MAP7D2: variants seen among roughly 807,000 people sequenced by gnomAD.
The protein encoded by MAP7D2 is MAP7 domain containing 2.
Under a neutral mutation model 63.5 loss-of-function variants are expected in MAP7D2, and 33 were observed. That is an observed-to-expected ratio of 0.52 (90% CI 0.39 to 0.70). The LOEUF is 0.70. Ranked by LOEUF, MAP7D2 falls within the 30% of genes least tolerant of loss-of-function variation. MAP7D2 has a pLI of 0.00. For missense variants in MAP7D2, 626 were observed against 604.0 expected (o/e 1.04, Z -0.38); for synonymous variants, 224 against 223.7 (o/e 1.00, Z -0.01).
intron 1 of MAP7D2, among the ~76,000 whole-genome samples, chrX:20,066,973 C>T (rs762733978): frequency 8.9e-6 from 1 of 112,559 alleles, no homozygotes; most frequent in Admixed American, 9.4e-5. Context: ...GGAAGGGGAA[C>T]AAGCATAGAA....
chrX:20,035,353 T>C (rs955886807), intron 8 of MAP7D2, among the ~76,000 whole-genome samples: 1 of 111,322 alleles, frequency 9.0e-6, no homozygotes, highest in African/African-American at 3.3e-5. Context: ...TTGCTGGAGG[T>C]TCCTTGAAAT....
intron 8 of MAP7D2, 112 bp downstream of exon 8, chrX:20,042,390 C>T (rs2064681233): frequency 1.1e-6 from 1 of 885,146 alleles, no homozygotes; most frequent in Non-Finnish European, 1.6e-6. Flanking sequence ...CTTACCACTT[C>T]TGGCTGGCCA....
chrX:20,034,982 C>T (rs1056685076), intron 8 of MAP7D2, among the ~76,000 whole-genome samples: 1 of 111,767 alleles, frequency 8.9e-6, no homozygotes, highest in African/African-American at 3.3e-5. Context: ...GTCACCTTCT[C>T]AGAGAATCCT....
intron 10 of MAP7D2, among the ~76,000 whole-genome samples, chrX:20,019,595 C>G (rs1403177189): frequency 8.9e-6 from 1 of 112,009 alleles, no homozygotes; most frequent in Non-Finnish European, 1.9e-5. Context: ...CAAACTTAAA[C>G]TTGAATTGTT....
chrX:20,061,910 G>A lies in MAP7D2; in HGVS notation c.372+1504C>T, dbSNP rs946160707. Among the ~76,000 whole-genome samples, 46 of 112,178 alleles carry A rather than the reference G, an allele frequency of 4.1e-4. 1 individual carries two copies. Among genetic ancestry groups the A allele is most frequent in the Non-Finnish European group, 1.3e-4 (7 of 53,238 alleles). On this transcript the variant is annotated intron_variant, in intron 3 of 16. Coordinates refer to ENST00000379643, the MANE Select transcript of MAP7D2 (RefSeq NM_001168465.2). ...GAGAGATCATGGAAGAAGAGGACAA[G>A]CTCTAAGTCATCAAGGAATGGAGGA...
In MAP7D2 at chrX:20,012,367, A is replaced by C; in HGVS notation, c.2054T>G (p.Val685Gly). ...AATATACCTCACATCCATAGACTGAACTTCTTCAGTTGAATCATCCAGGCT... is the reference window on the plus strand; with the variant it reads ...AATATACCTCACATCCATAGACTGACCTTCTTCAGTTGAATCATCCAGGCT... Reference protein sequence around the residue: ...SNSLDDSTEEVQSMDVSPVSK... With the variant: ...SNSLDDSTEEGQSMDVSPVSK... The change falls in exon 15 of 17, where the codon GTT becomes GGT. Residue 685 changes from valine (V) to glycine (G), a missense_variant. By Grantham distance (109) the Val-to-Gly change is moderately radical (BLOSUM62 -3). Transcript: ENST00000379643. 1.7e-6 allele frequency: 2 copies of C among 1,203,116 alleles called. No individual in the cohort carries two copies. Among genetic ancestry groups the C allele is most frequent in the African/African-American group, 3.5e-5 (2 of 57,555 alleles).
At chrX:20,018,914 C>T (rs755081886) in intron 10 of MAP7D2, among the ~76,000 whole-genome samples, 36 of 111,914 alleles carry the variant, frequency 3.2e-4, no homozygotes, top group Middle Eastern at 4.3e-3. Flanking sequence ...AACCAGACAG[C>T]ACATTAGATT....
At chrX:20,060,434 GAAAGAA>G (rs1254484727) in intron 3 of MAP7D2, among the ~76,000 whole-genome samples, 98 of 22,002 alleles carry the variant, frequency 4.5e-3, no homozygotes, top group South Asian at 0.012. Context: ...GAGAGAGAGA[GAAAGAA>G]AGAAAGAAAG....
intron 1 of MAP7D2, among the ~76,000 whole-genome samples, chrX:20,079,595 C>A (rs1457811263): frequency 8.9e-6 from 1 of 111,958 alleles, no homozygotes; most frequent in African/African-American, 3.2e-5. Context: ...ATGTGGCCTG[C>A]CCAACTGTAT....
chrX:20,063,457 G>C lies in MAP7D2; in HGVS notation c.329C>G (p.Ala110Gly), dbSNP rs1366685291. ...CTGTTTCCTTTTCTCTTCCACAGCA[G>C]CTCTCTTTTGGTCCTCCCGCTGCCG... ...EQRQREDQKR[A>G]AVEEKRKQKL... The change falls in exon 3 of 17, where the codon GCT becomes GGT. Residue 110 changes from alanine (A) to glycine (G), a missense_variant. Physicochemically the swap from Ala to Gly is moderately conservative, Grantham distance 60. Coordinates refer to ENST00000379643, the MANE Select transcript of MAP7D2 (RefSeq NM_001168465.2). 2 of 1,210,352 alleles carry C rather than the reference G, an allele frequency of 1.7e-6. No homozygotes were observed. Among genetic ancestry groups the C allele is most frequent in the East Asian group, 5.9e-5 (2 of 33,753 alleles).
At chrX:20,051,463 T>C (rs901503780) in intron 5 of MAP7D2, among the ~76,000 whole-genome samples, 1 of 108,563 alleles carries the variant, frequency 9.2e-6, no homozygotes, top group Non-Finnish European at 1.9e-5. Flanking sequence ...AGTGAGAGGA[T>C]GGCTTGAGCC....
At chrX:20,073,577 T>G (rs1251391393) in intron 1 of MAP7D2, among the ~76,000 whole-genome samples, 1 of 103,719 alleles carries the variant, frequency 9.6e-6, no homozygotes, top group African/African-American at 3.5e-5. Flanking sequence ...TCACCCAGGC[T>G]GGAGTGCAGT....
intron 10 of MAP7D2, among the ~76,000 whole-genome samples, chrX:20,016,909 T>C (rs1343123653): frequency 8.9e-6 from 1 of 112,576 alleles, no homozygotes; most frequent in East Asian, 2.8e-4. Context: ...TGGCAATCTT[T>C]AGAAATCTAT....
intron 11 of MAP7D2, among the ~76,000 whole-genome samples, chrX:20,015,583 G>C (rs763914410): frequency 5.3e-5 from 6 of 112,523 alleles, no homozygotes; most frequent in Admixed American, 2.8e-4. Flanking sequence ...CTGTGTCTGT[G>C]GGCAGGCTTG....
At chrX:20,050,511 AC>A (rs1334679655) in intron 6 of MAP7D2, among the ~76,000 whole-genome samples, 1 of 111,718 alleles carries the variant, frequency 9.0e-6, no homozygotes, top group African/African-American at 3.3e-5. Context: ...GCTATGGGAC[AC>A]CCCAGACTGG....
At chrX:20,074,667 C>T (rs1373671386) in intron 1 of MAP7D2, among the ~76,000 whole-genome samples, 1 of 111,608 alleles carries the variant, frequency 9.0e-6, no homozygotes, top group Non-Finnish European at 1.9e-5. Context: ...AAACCAACAG[C>T]GAAATTGTGT....
intron 6 of MAP7D2, among the ~76,000 whole-genome samples, chrX:20,047,469 A>G (rs1225530028): frequency 9.0e-6 from 1 of 110,825 alleles, no homozygotes. Flanking sequence ...GGCCAGGTAA[A>G]AAGATTCATA....
chrX:20,038,891 G>C (rs1320469960), intron 8 of MAP7D2, among the ~76,000 whole-genome samples: 1 of 112,020 alleles, frequency 8.9e-6, no homozygotes, highest in African/African-American at 3.2e-5. Context: ...TGGAATACAG[G>C]AGATCCCTTA....
intron 10 of MAP7D2, among the ~76,000 whole-genome samples, chrX:20,018,003 G>C (rs12013917): frequency 0.024 from 1,544 of 64,929 alleles, 32 homozygotes; most frequent in African/African-American, 0.082. Context: ...TTTCACTGTT[G>C]TTGCCCAGGT....
Sources: allele counts gnomAD v4.1 joint callset (sites outside exome capture counted in the v4.1 genomes callset), GRCh38; gene constraint gnomAD v4.1.1; transcripts MANE v1.5; gene names NCBI Gene and HGNC (gene_info 2026-07-23, HGNC 2026-07-21).